PCDHGA1: variants seen among roughly 807,000 people sequenced by gnomAD.
The protein encoded by PCDHGA1 is protocadherin gamma-A1.
In PCDHGA1, 32 loss-of-function variants were observed where a neutral mutation model predicts 58.0. The observed-to-expected ratio is 0.55, with a 90% confidence interval of 0.42 to 0.74. PCDHGA1 has a LOEUF of 0.74. PCDHGA1 is among the 30% of genes least tolerant of loss of function. PCDHGA1 has a pLI of 0.00. For synonymous variants in PCDHGA1, 498 were observed against 501.1 expected, an observed-to-expected ratio of 0.99 and a Z score of 0.08; for missense variants, 1,205 against 1,182.3, an observed-to-expected ratio of 1.02 and a Z score of -0.28.
intron 1 of PCDHGA1, chr5:141,419,497 G>A (rs1357823931): frequency 6.2e-7 from 1 of 1,612,390 alleles, no homozygotes; most frequent in South Asian, 1.1e-5. Context: ...GCGCCAATGT[G>A]AGCCTGCGCG....
chr5:141,490,497 C>G lies in PCDHGA1; in HGVS notation c.2422-4310C>G. The stretch of plus-strand genomic sequence containing the variant: ...CTTTGGACCGGGAGGCCACATCCCA[C>G]TATATCATCGAGCTGCTGGCCAGCG... On this transcript the variant is annotated intron_variant, in intron 1 of 3. Transcript: ENST00000517417. The surrounding 1 kb of genome is among the most constrained non-coding windows in gnomAD (Gnocchi z 5.4). 6.2e-7 allele frequency: 1 copy of G among 1,614,196 alleles called. No individual in the cohort carries two copies. Among genetic ancestry groups the G allele is most frequent in the South Asian group, 1.1e-5 (1 of 91,084 alleles).
chr5:141,447,558 G>T (rs551305232), intron 1 of PCDHGA1, among the ~76,000 whole-genome samples: 1 of 152,264 alleles, frequency 6.6e-6, no homozygotes, highest in African/African-American at 2.4e-5. Context: ...GAGTACACTT[G>T]GAGGATTCTA....
rs768311217 is a variant in PCDHGA1 at position 141,382,969 on chromosome 5, T to C, written c.2421+49864T>C. On this transcript the variant is annotated intron_variant, in intron 1 of 3. Coordinates refer to ENST00000517417, the MANE Select transcript of PCDHGA1 (RefSeq NM_018912.3). Reference sequence around the variant, plus strand: ...GCTCTCCATCCTCCTGGGGACCCCCTGGGAAGCCTGGGCAGGACGTATTCT... The same window carrying C: ...GCTCTCCATCCTCCTGGGGACCCCCCGGGAAGCCTGGGCAGGACGTATTCT... The C allele has an allele frequency of 1.2e-5, 19 of 1,609,300 alleles. No homozygotes were observed. Among genetic ancestry groups the C allele is most frequent in the Non-Finnish European group, 1.6e-5 (19 of 1,176,708 alleles).
intron 1 of PCDHGA1, chr5:141,414,590 G>C (rs1287207695): frequency 1.2e-6 from 2 of 1,613,936 alleles, no homozygotes; most frequent in South Asian, 1.1e-5. Flanking sequence ...AACGCCAGGG[G>C]TGCCTCCATC....
rs1191643556 is a variant in PCDHGA1 at position 141,486,302 on chromosome 5, C to A, written c.2422-8505C>A. On this transcript the variant is annotated intron_variant, in intron 1 of 3. Transcript: ENST00000517417. The surrounding 1 kb of genome is among the most constrained non-coding windows in gnomAD (Gnocchi z 5.0). ...GGTGGCACTTATCAGTGTGCAGGAT[C>A]CAGACTCAGGGTCAAACGGAGATGT... The A allele has an allele frequency of 6.2e-7, 1 of 1,614,036 alleles. No individual in the cohort carries two copies. The highest frequency in any genetic ancestry group is 8.5e-7 in the Non-Finnish European group (1 of 1,179,994).
chr5:141,365,825 G>A (rs772088278), intron 1 of PCDHGA1: 1 of 1,613,942 alleles, frequency 6.2e-7, no homozygotes, highest in South Asian at 1.1e-5. Context: ...ATTTCAGGGG[G>A]CGCCCTTGTC....
chr5:141,423,923 G>A (rs2096790975), intron 1 of PCDHGA1: 2 of 1,254,626 alleles, frequency 1.6e-6, no homozygotes, highest in African/African-American at 1.6e-5. Flanking sequence ...CAACTATGCT[G>A]GTTTGGTTTG....
intron 1 of PCDHGA1, chr5:141,408,627 T>A: frequency 6.2e-7 from 1 of 1,613,916 alleles, no homozygotes; most frequent in Admixed American, 1.7e-5. Flanking sequence ...CATTTAGAAA[T>A]TTTCGAATCT....
At chr5:141,433,031 T>G (rs2097561851) in intron 1 of PCDHGA1, 2 of 1,614,088 alleles carry the variant, frequency 1.2e-6, no homozygotes, top group Non-Finnish European at 8.5e-7. Flanking sequence ...CCACGAGGTT[T>G]CCCTCACCAC....
intron 1 of PCDHGA1, among the ~76,000 whole-genome samples, chr5:141,484,730 G>T (rs1231473842): frequency 6.6e-6 from 1 of 151,728 alleles, no homozygotes; most frequent in Non-Finnish European, 1.5e-5. Context: ...GGGGTCAGTC[G>T]GTGTGTTAGG....
At chr5:141,362,691 T>C (rs1762634639) in intron 1 of PCDHGA1, 2 of 1,109,006 alleles carry the variant, frequency 1.8e-6, no homozygotes, top group South Asian at 1.7e-5. Context: ...TAATCTTATC[T>C]AACTGAATTT....
At chr5:141,381,798 C>CTCTTTCTTTCTTTCTTTCTTTCTT (rs372235829) in intron 1 of PCDHGA1, among the ~76,000 whole-genome samples, 8 of 144,168 alleles carry the variant, frequency 5.5e-5, no homozygotes, top group African/African-American at 1.9e-4. Flanking sequence ...AGGCAATTCC[C>CTCTTTCTTTCTTTCTTTCTTTCTT]TCTTTCTTTC....
At position 141,394,145 on chromosome 5, in the gene PCDHGA1, C is replaced by T. The variant is rs754958885; in HGVS notation, c.2421+61040C>T. The T allele has an allele frequency of 3.7e-6, 6 of 1,613,962 alleles. No homozygotes were observed. The East Asian group carries it at 8.9e-5, about 24-fold the overall frequency. On this transcript the variant is annotated intron_variant, in intron 1 of 3. Transcript: ENST00000517417. ...CTCAAATCGCTCTGCACGTGGCAGA[C>T]ATTAACGACAACCCTCCTACTTTCC...
chr5:141,362,467 C>T (rs771966305), intron 1 of PCDHGA1: 58 of 1,614,052 alleles, frequency 3.6e-5, no homozygotes, highest in Middle Eastern at 1.6e-4. Context: ...GGTTCCCGCG[C>T]AAGATCTCGT....
intron 1 of PCDHGA1, chr5:141,372,773 T>A: frequency 6.2e-7 from 1 of 1,610,720 alleles, no homozygotes; most frequent in East Asian, 2.2e-5. Flanking sequence ...GTAATGACAA[T>A]CCAGAAATGC....
intron 1 of PCDHGA1, among the ~76,000 whole-genome samples, chr5:141,442,700 TA>T (rs2098337605): frequency 6.6e-6 from 1 of 152,198 alleles, no homozygotes; most frequent in Non-Finnish European, 1.5e-5. Flanking sequence ...CAGACAAGAG[TA>T]TCAGACATGC....
At chr5:141,365,167 C>T (rs201444039) in intron 1 of PCDHGA1, 1 of 1,613,950 alleles carries the variant, frequency 6.2e-7, no homozygotes, top group Non-Finnish European at 8.5e-7. Flanking sequence ...AATTGACCTA[C>T]TCTTTTCGCA....
chr5:141,448,956 C>A (rs2098619571), intron 1 of PCDHGA1, among the ~76,000 whole-genome samples: 1 of 151,948 alleles, frequency 6.6e-6, no homozygotes, highest in Non-Finnish European at 1.5e-5. Context: ...AAAAAACAAA[C>A]AAACAAACAA....
At chr5:141,353,277 G>A (rs1759234341) in intron 1 of PCDHGA1, among the ~76,000 whole-genome samples, 1 of 152,218 alleles carries the variant, frequency 6.6e-6, no homozygotes, top group South Asian at 2.1e-4. Context: ...ATATTTTCAA[G>A]TCATTTTATT....
Sources: gnomAD v4.1 joint callset for allele counts (sites outside exome capture counted in the v4.1 genomes callset) on GRCh38, gnomAD v4.1.1 for gene constraint, Gnocchi (gnomAD v3.1) non-coding constraint, MANE v1.5 for transcripts, NCBI Gene and HGNC (gene_info 2026-07-23, HGNC 2026-07-21) for gene names.